The following EIF4ENIF1 variants were observed in gnomAD, a reference collection of about 807,000 sequenced individuals.
The protein encoded by EIF4ENIF1 is eukaryotic translation initiation factor 4E transporter.
A neutral mutation model predicts 110.5 loss-of-function variants in EIF4ENIF1; 23 were observed. The observed-to-expected ratio is 0.21, with a 90% confidence interval of 0.15 to 0.29. The LOEUF is 0.29. Ranked by LOEUF, EIF4ENIF1 falls within the 10% of genes least tolerant of loss-of-function variation. EIF4ENIF1 has a pLI of 1.00. For missense variants in EIF4ENIF1, 1,031 were observed against 1,221.1 expected (o/e 0.84, Z 2.32); for synonymous variants, 440 against 437.0 (o/e 1.01, Z -0.09).
At chr22:31,485,510 G>C (rs1165326653) in intron 2 of EIF4ENIF1, among the ~76,000 whole-genome samples, 4 of 152,226 alleles carry the variant, frequency 2.6e-5, no homozygotes, top group African/African-American at 4.8e-5. Context: ...TCTACCAGTA[G>C]ACTACTGGTT....
Position 31,488,702 on chromosome 22 carries a change from A to G in EIF4ENIF1, c.17T>C (p.Met6Thr), listed in dbSNP as rs1275510831. 6.2e-7 allele frequency: 1 copy of G among 1,614,118 alleles called. No homozygotes were observed. The highest frequency in any genetic ancestry group is 2.2e-5 in the East Asian group (1 of 44,874). MDRRS[M>T]GETESGDAFL... Reference sequence around the variant, plus strand: ...AGCATCTCCACTTTCTGTTTCACCCATACTTCTCCTATCCATGGCTCCTTG... The same window carrying G: ...AGCATCTCCACTTTCTGTTTCACCCGTACTTCTCCTATCCATGGCTCCTTG... The change falls in exon 2 of 19, where the codon ATG becomes ACG. Residue 6 changes from methionine to threonine, a missense_variant. By Grantham distance (81) the Met-to-Thr change is moderately conservative. Transcript: ENST00000330125.
intron 15 of EIF4ENIF1, among the ~76,000 whole-genome samples, chr22:31,443,631 G>A (rs534342811): frequency 6.6e-6 from 1 of 152,184 alleles, no homozygotes; most frequent in East Asian, 1.9e-4. Context: ...CATCTTTGAT[G>A]GCAGGAGACA....
In EIF4ENIF1 at chr22:31,440,096, GGAACCA is replaced by G. The variant is rs1436122736; in HGVS notation, c.2736_2741del (p.Gly913_Ser914del). On this transcript the variant is annotated inframe_deletion, in exon 19 of 19. Coordinates refer to ENST00000330125, the MANE Select transcript of EIF4ENIF1 (RefSeq NM_019843.4). ...TCTGAACGCTGACAGCTGCTGCATG[GGAACCA>G]GAGCCTGGAGGATGCAGAACTGTGG... 2 of 1,614,150 alleles carry G rather than the reference GGAACCA, an allele frequency of 1.2e-6. No homozygotes were observed. The highest frequency in any genetic ancestry group is 1.3e-5 in the African/African-American group (1 of 75,038).
Position 31,478,515 on chromosome 22 carries a change from CAAA to C in EIF4ENIF1, c.97-6601_97-6599del, listed in dbSNP as rs35883412. ...TGGGTGACAGAGCAAGACTCTGTCT[CAAA>C]AAAAAAAAAAAAAAAAATGCTGAGT... On this transcript the variant is annotated intron_variant, in intron 2 of 18. Transcript: ENST00000330125. Among the ~76,000 whole-genome samples the C allele has an allele frequency of 1.0e-4, 9 of 87,698 alleles. No individual in the cohort carries two copies. In the South Asian group the frequency reaches 1.7e-3, roughly 17 times the overall value. The allele number at this position is 87,698 out of a possible 152,430, so 57.5% of individuals were successfully genotyped here.
In EIF4ENIF1 at chr22:31,486,920, T is replaced by TAA. The variant is rs55836026; in HGVS notation, c.96+1701_96+1702dup. On this transcript the variant is annotated intron_variant, in intron 2 of 18. Coordinates refer to ENST00000330125, the MANE Select transcript of EIF4ENIF1 (RefSeq NM_019843.4). Reference sequence around the variant, plus strand: ...ACATGGAGAAACCCCGTCTCTACTATAAAAAAAAAAAAAAAATCAGCTGGG... The same window carrying TAA: ...ACATGGAGAAACCCCGTCTCTACTATAAAAAAAAAAAAAAAAAATCAGCTGGG... 4.3e-3 allele frequency among the ~76,000 whole-genome samples: 608 copies of TAA among 141,744 alleles called. 5 individuals are homozygous for TAA. The highest frequency in any genetic ancestry group is 7.9e-3 in the Middle Eastern group (2 of 254). 93.0% of individuals were successfully genotyped at this position (141,744 alleles called of 152,430 possible). A position where few individuals can be genotyped will look rare whatever the true frequency, so the allele number is the denominator to read the frequency against.
At chr22:31,447,330 C>T (rs889941099) in intron 14 of EIF4ENIF1, 96 bp downstream of exon 14, 4 of 1,417,080 alleles carry the variant, frequency 2.8e-6, no homozygotes, top group Admixed American at 2.1e-5. Flanking sequence ...GAACATACCA[C>T]AGTATGTACA....
Position 31,439,380 on chromosome 22 carries a change from T to A in EIF4ENIF1, c.*500A>T, listed in dbSNP as rs2050224334. Reference sequence around the variant, plus strand: ...AATGTCAGTTACTTCATTCACACACTTAGCATATGCAATTTTAATCAACCA... The same window carrying A: ...AATGTCAGTTACTTCATTCACACACATAGCATATGCAATTTTAATCAACCA... On this transcript the variant is annotated 3_prime_UTR_variant, in exon 19 of 19. Transcript: ENST00000330125. The A allele has an allele frequency of 6.4e-6, 1 of 156,114 alleles. No individual in the cohort carries two copies. Among genetic ancestry groups the A allele is most frequent in the Non-Finnish European group, 1.4e-5 (1 of 70,104 alleles). The allele number at this position is 156,114 out of a possible 1,614,324, so 9.7% of individuals were successfully genotyped here.
intron 2 of EIF4ENIF1, among the ~76,000 whole-genome samples, chr22:31,473,075 T>G (rs147480157): frequency 2.9e-3 from 437 of 151,974 alleles, no homozygotes; most frequent in African/African-American, 0.01. Flanking sequence ...TTTTTTTTTT[T>G]TTTTTGACTA....
At chr22:31,476,875 C>T (rs549043936) in intron 2 of EIF4ENIF1, among the ~76,000 whole-genome samples, 6 of 151,268 alleles carry the variant, frequency 4.0e-5, no homozygotes, top group African/African-American at 1.5e-4. Context: ...GGGTGCACAC[C>T]TGTAGCCCCA....
chr22:31,466,978 GT>G (rs1441380776), intron 4 of EIF4ENIF1, among the ~76,000 whole-genome samples: 2 of 152,120 alleles, frequency 1.3e-5, no homozygotes, highest in Non-Finnish European at 2.9e-5. Context: ...TGTGCAGTCT[GT>G]TTTTTCCAAA....
intron 16 of EIF4ENIF1, among the ~76,000 whole-genome samples, 170 bp downstream of exon 16, chr22:31,442,792 A>G (rs548181070): frequency 7.9e-5 from 12 of 152,160 alleles, no homozygotes; most frequent in African/African-American, 1.7e-4. Flanking sequence ...AGCTGGCCCA[A>G]TTCTTCTCAC....
At chr22:31,459,003 CTG>C (rs1289297247) in intron 6 of EIF4ENIF1, among the ~76,000 whole-genome samples, 6 of 147,574 alleles carry the variant, frequency 4.1e-5, no homozygotes, top group Non-Finnish European at 8.9e-5. Context: ...TCACAGCTCA[CTG>C]TAGTCTCTAC....
At chr22:31,476,085 G>C (rs1237717870) in intron 2 of EIF4ENIF1, among the ~76,000 whole-genome samples, 1 of 152,036 alleles carries the variant, frequency 6.6e-6, no homozygotes, top group Admixed American at 6.6e-5. Flanking sequence ...TTGCAATATA[G>C]GAAATACTTA....
At position 31,450,248 on chromosome 22, in the gene EIF4ENIF1, T is replaced by C. The variant is rs763523643; in HGVS notation, c.1584+41A>G. 10 of 1,552,488 alleles carry C rather than the reference T, an allele frequency of 6.4e-6. No homozygotes were observed. In the African/African-American group the frequency reaches 1.1e-4, roughly 17 times the overall value. ...AAGCAAAACTGGTTCAGAAGACTAC[T>C]GTTCAAGACTCCAAGGCCTCAGTAT... On this transcript the variant is annotated intron_variant, in intron 11 of 18. Coordinates refer to ENST00000330125, the MANE Select transcript of EIF4ENIF1 (RefSeq NM_019843.4).
In EIF4ENIF1 at chr22:31,439,581, AC is replaced by A. The variant is rs2050229255; in HGVS notation, c.*298del. 2.5e-6 allele frequency: 1 copy of A among 401,022 alleles called. No individual in the cohort carries two copies. The highest frequency in any genetic ancestry group is 2.0e-5 in the African/African-American group (1 of 48,990). The allele number at this position is 401,022 out of a possible 1,614,324, so 24.8% of individuals were successfully genotyped here. A position where few individuals can be genotyped will look rare whatever the true frequency, so the allele number is the denominator to read the frequency against. On this transcript the variant is annotated 3_prime_UTR_variant, in exon 19 of 19. Coordinates refer to ENST00000330125, the MANE Select transcript of EIF4ENIF1 (RefSeq NM_019843.4). ...GGGTCTATACATTTATTTCCTCAGA[AC>A]CCTTAGGTGCCACCTCTTGGTGAGG...
At position 31,468,296 on chromosome 22, in the gene EIF4ENIF1, A is replaced by G. The variant is rs755589380; in HGVS notation, c.177T>C (p.Gly59=). The change falls in exon 4 of 19, where the codon GGT becomes GGC. Residue 59 remains glycine (G), a synonymous_variant. Transcript: ENST00000330125. ...SCLSEKYDSD[G]VWDPEKWHAS... is the part of the protein sequence containing the mutation. ...CATGCCACTTCTCAGGGTCCCAGAC[A>G]CCATCACTACAGGTCAAAAAATACA... 1.9e-6 allele frequency: 3 copies of G among 1,614,190 alleles called. No homozygotes were observed. The highest frequency in any genetic ancestry group is 2.2e-5 in the South Asian group (2 of 91,072).
intron 2 of EIF4ENIF1, among the ~76,000 whole-genome samples, chr22:31,472,481 C>T (rs1333825162): frequency 3.3e-5 from 5 of 152,112 alleles, no homozygotes; most frequent in Non-Finnish European, 1.5e-5. Flanking sequence ...GTTGGCCGGG[C>T]TGGTCTCAAA....
At chr22:31,447,278 C>T in intron 14 of EIF4ENIF1, 148 bp downstream of exon 14, 1 of 898,058 alleles carries the variant, frequency 1.1e-6, no homozygotes, top group South Asian at 1.8e-5. Context: ...AAATCTATTT[C>T]TTCTATTGAT....
At position 31,488,587 on chromosome 22, in the gene EIF4ENIF1, A is replaced by T. The variant is rs530624344; in HGVS notation, c.96+36T>A. The T allele has an allele frequency of 3.7e-6, 6 of 1,613,862 alleles. No individual in the cohort carries two copies. The Admixed American group carries it at 5.0e-5, about 13-fold the overall frequency. On this transcript the variant is annotated intron_variant, in intron 2 of 18. Transcript: ENST00000330125. ...TACAATGTTACTAACTTCGCCACCT[A>T]AAAAGAAACACTATTTCATTAGTGG...
Sources: allele counts gnomAD v4.1 joint callset (sites outside exome capture counted in the v4.1 genomes callset), GRCh38; gene constraint gnomAD v4.1.1; transcripts MANE v1.5; gene names NCBI Gene and HGNC (gene_info 2026-07-23, HGNC 2026-07-21).